The following ELMOD2 variants were observed in gnomAD, a reference collection of about 807,000 sequenced individuals.
The protein encoded by ELMOD2 is ELMO domain containing 2.
Under a neutral mutation model 41.0 loss-of-function variants are expected in ELMOD2, and 28 were observed. The observed-to-expected ratio is 0.68, with a 90% CI of 0.51 to 0.94. The LOEUF (loss-of-function observed/expected upper bound fraction) is 0.94. Among genes scored for constraint, ELMOD2 ranks in the 40% least tolerant of loss-of-function variants. ELMOD2 has a pLI of 0.00. For missense variants in ELMOD2, 333 were observed against 343.1 expected (o/e 0.97, Z 0.23); for synonymous variants, 106 against 107.2 (o/e 0.99, Z 0.07).
At chr4:140,530,927 A>G (rs1355950196) in intron 3 of ELMOD2, among the ~76,000 whole-genome samples, 1 of 152,150 alleles carries the variant, frequency 6.6e-6, no homozygotes, top group Non-Finnish European at 1.5e-5. Flanking sequence ...TTGACTGTGT[A>G]CAAGTTACTT....
chr4:140,539,167 A>T (rs1316979439), intron 5 of ELMOD2, among the ~76,000 whole-genome samples: 1 of 152,206 alleles, frequency 6.6e-6, no homozygotes, highest in Middle Eastern at 3.2e-3. Flanking sequence ...TCCTTATTCA[A>T]CAGTGCTTTA....
At chr4:140,528,678 G>C (rs1734646853) in intron 3 of ELMOD2, among the ~76,000 whole-genome samples, 1 of 152,136 alleles carries the variant, frequency 6.6e-6, no homozygotes, top group South Asian at 2.1e-4. Context: ...AGACCTTCTT[G>C]AGAGTTGCAA....
At chr4:140,529,419 A>G (rs1397010257) in intron 3 of ELMOD2, among the ~76,000 whole-genome samples, 2 of 152,220 alleles carry the variant, frequency 1.3e-5, no homozygotes, top group African/African-American at 2.4e-5. Flanking sequence ...GAGTAAAACC[A>G]TAGCTGAGCT....
rs141263113 is a variant in ELMOD2 at position 140,537,414 on chromosome 4, T to C, written c.272T>C (p.Phe91Ser). 1 of 1,508,218 alleles carries C rather than the reference T, an allele frequency of 6.6e-7. No individual in the cohort carries two copies. The highest frequency in any genetic ancestry group is 1.5e-5 in the African/African-American group (1 of 68,244). The allele number at this position is 1,508,218 out of a possible 1,614,324, so 93.4% of individuals were successfully genotyped here. The change falls in exon 5 of 9, where the codon TTT (phenylalanine) becomes TCT (serine). Residue 91 changes from phenylalanine (F) to serine (S), a missense_variant and splice_region_variant. Transcript: ENST00000323570. ...KNINPEKDAS[F>S]KICMKMCLLQ... is the part of the protein sequence containing the mutation. ...AAAAATAATTTTATCATTTTTAGTT[T>C]TAAAATATGCATGAAGATGTGCTTA...
At chr4:140,549,729 A>AAGCTGGAATGCAGTGGT (rs1735410524) in intron 8 of ELMOD2, among the ~76,000 whole-genome samples, 1 of 121,300 alleles carries the variant, frequency 8.2e-6, no homozygotes, top group Admixed American at 1.1e-4. Context: ...GTTCTCAACC[A>AAGCTGGAATGCAGTGGT]AGCTGGAATG....
Position 140,552,763 on chromosome 4 carries a change from A to T in ELMOD2, c.*2388A>T, listed in dbSNP as rs1339600735. 1.3e-5 allele frequency: 2 copies of T among 152,076 alleles called. No individual in the cohort carries two copies. Among genetic ancestry groups the T allele is most frequent in the African/African-American group, 2.4e-5 (1 of 41,432 alleles). The allele number at this position is 152,076 out of a possible 1,614,324, so 9.4% of individuals were successfully genotyped here. On this transcript the variant is annotated 3_prime_UTR_variant, in exon 9 of 9. Transcript: ENST00000323570. ...TGTTAGTTTTAGCATCAAAAAAGTA[A>T]ATAGATGTTGAAATGAATTTTTGTA...
intron 1 of ELMOD2, 38 bp from the exon 2 acceptor site, chr4:140,525,382 A>G: frequency 6.3e-7 from 1 of 1,585,242 alleles, no homozygotes; most frequent in Non-Finnish European, 8.6e-7. Flanking sequence ...ATTCAGTTTA[A>G]GGTCATTAAG....
chr4:140,545,303 A>C (rs890959030), intron 8 of ELMOD2, among the ~76,000 whole-genome samples: 1 of 152,136 alleles, frequency 6.6e-6, no homozygotes, highest in African/African-American at 2.4e-5. Context: ...ATTCCTGTAG[A>C]CATCCACTGC....
At chr4:140,536,033 G>C (rs1032370672) in intron 4 of ELMOD2, among the ~76,000 whole-genome samples, 1 of 152,142 alleles carries the variant, frequency 6.6e-6, no homozygotes, top group African/African-American at 2.4e-5. Context: ...TTGGTTTCCA[G>C]TCCAGTACTA....
Position 140,527,465 on chromosome 4 carries a change from GA to G in ELMOD2, c.146del (p.Asn49IlefsTer3). 1.3e-6 allele frequency: 2 copies of G among 1,551,150 alleles called. No individual in the cohort carries two copies. The highest frequency in any genetic ancestry group is 1.7e-6 in the Non-Finnish European group (2 of 1,151,680). ...YVGAQRTHRIENSLTYSKNKV... is the reference protein window; with the variant it reads ...YVGAQRTHRIXNSLTYSKNKV... The stretch of plus-strand genomic sequence containing the variant: ...TCTTTTTTTTTTTTTTGTCATTTCA[GA>G]AAATTCCTTGACATACTCCAAGAAT... On this transcript the variant is annotated frameshift_variant and splice_region_variant, in exon 3 of 9. Transcript: ENST00000323570. LOFTEE classifies it high-confidence loss of function.
intron 2 of ELMOD2, among the ~76,000 whole-genome samples, chr4:140,526,240 T>C (rs1398271393): frequency 6.6e-6 from 1 of 152,242 alleles, no homozygotes; most frequent in Non-Finnish European, 1.5e-5. Context: ...TATTAAAATG[T>C]TATCTGTTTC....
intron 7 of ELMOD2, among the ~76,000 whole-genome samples, chr4:140,543,139 T>G (rs1267203200): frequency 6.6e-6 from 1 of 151,962 alleles, no homozygotes; most frequent in South Asian, 2.1e-4. Context: ...GATTATCCAG[T>G]GTATTTTAGA....
Position 140,553,213 on chromosome 4 carries a change from A to T in ELMOD2, c.*2838A>T, listed in dbSNP as rs932144690. 7 of 152,164 alleles carry T rather than the reference A, an allele frequency of 4.6e-5. No homozygotes were observed. Among genetic ancestry groups the T allele is most frequent in the African/African-American group, 1.7e-4 (7 of 41,456 alleles). The allele number at this position is 152,164 out of a possible 1,614,324, so 9.4% of individuals were successfully genotyped here. On this transcript the variant is annotated 3_prime_UTR_variant, in exon 9 of 9. Transcript: ENST00000323570. ...GGAGAAGAATCGCATGAGTGTGAAA[A>T]GTAGATGCTCGTAGCCAGAACAGAA...
chr4:140,539,284 A>G (rs1361899518), intron 5 of ELMOD2, among the ~76,000 whole-genome samples: 1 of 151,566 alleles, frequency 6.6e-6, no homozygotes, highest in African/African-American at 2.4e-5. Context: ...GGCTTGTGGT[A>G]TTGAATTTAA....
intron 6 of ELMOD2, 108 bp downstream of exon 6, chr4:140,540,409 T>A: frequency 7.3e-7 from 1 of 1,375,608 alleles, no homozygotes; most frequent in Non-Finnish European, 1.0e-6. Context: ...TATCTCTGAA[T>A]TTTAATAACT....
intron 6 of ELMOD2, among the ~76,000 whole-genome samples, chr4:140,541,753 C>G (rs1388060047): frequency 2.6e-5 from 4 of 151,810 alleles, no homozygotes; most frequent in Non-Finnish European, 4.4e-5. Context: ...AGTTAACAGC[C>G]CCTGGTGTAA....
chr4:140,540,932 T>C (rs145623475), intron 6 of ELMOD2, among the ~76,000 whole-genome samples: 74 of 152,302 alleles, frequency 4.9e-4, no homozygotes, highest in African/African-American at 1.6e-3. Flanking sequence ...TTGGCAAATA[T>C]AACCAGATAA....
At chr4:140,539,777 C>A (rs1444614918) in intron 5 of ELMOD2, among the ~76,000 whole-genome samples, 1 of 152,084 alleles carries the variant, frequency 6.6e-6, no homozygotes, top group African/African-American at 2.4e-5. Flanking sequence ...CTGTCTTATA[C>A]CTATTTTCAT....
intron 3 of ELMOD2, among the ~76,000 whole-genome samples, chr4:140,532,170 T>G (rs79778028): frequency 0.012 from 1,750 of 151,508 alleles, 36 homozygotes; most frequent in African/African-American, 0.041. Context: ...TGAGTTGTTT[T>G]TTTTTTTTTT....
Sources: allele counts gnomAD v4.1 joint callset (sites outside exome capture counted in the v4.1 genomes callset), GRCh38; gene constraint gnomAD v4.1.1; transcripts MANE v1.5; gene names NCBI Gene and HGNC (gene_info 2026-07-23, HGNC 2026-07-21).